The following RNASEL variants were observed in gnomAD, a reference collection of about 807,000 sequenced individuals.
RNASEL encodes ribonuclease L, also known as 2-5A-dependent ribonuclease.
Under a neutral mutation model 50.9 loss-of-function variants are expected in RNASEL, and 36 were observed. The observed-to-expected ratio is 0.71, with a 90% CI of 0.54 to 0.93. The LOEUF is 0.93. Among genes scored for constraint, RNASEL ranks in the 40% least tolerant of loss-of-function variants. The probability of loss-of-function intolerance (pLI) is 0.00; values close to 1 mark genes in which losing one functional copy is unlikely to be tolerated. For missense variants in RNASEL, 860 were observed against 894.5 expected (o/e 0.96, Z 0.49); for synonymous variants, 335 against 335.6 (o/e 1.00, Z 0.02).
intron 1 of RNASEL, among the ~76,000 whole-genome samples, chr1:182,587,410 T>A (rs1264971946): frequency 6.6e-6 from 1 of 152,072 alleles, no homozygotes. Context: ...ATTAAAAATT[T>A]AAAAAATCTA....
rs151056294 is a variant in RNASEL at position 182,585,854 on chromosome 1, T to G, written c.953A>C (p.Lys318Thr). The G allele has an allele frequency of 6.2e-7, 1 of 1,613,102 alleles. No individual in the cohort carries two copies. Among genetic ancestry groups the G allele is most frequent in the Non-Finnish European group, 8.5e-7 (1 of 1,179,324 alleles). The change falls in exon 2 of 7, where the codon AAG (lysine) becomes ACG (threonine). Residue 318 changes from lysine (K) to threonine (T), a missense_variant. By Grantham distance (78) the Lys-to-Thr change is moderately conservative. Transcript: ENST00000367559. ...TTTGGCTCCATGAGAGAGAAGAACCTTCACAAGGGAATGGTCATAATTCCG... is the reference window on the plus strand; with the variant it reads ...TTTGGCTCCATGAGAGAGAAGAACCGTCACAAGGGAATGGTCATAATTCCG... The part of the protein sequence containing the change: ...ARRNYDHSLV[K>T]VLLSHGAKED...
intron 2 of RNASEL, 70 bp from the exon 3 acceptor site, chr1:182,584,236 A>G (rs1661551481): frequency 1.0e-6 from 1 of 980,562 alleles, no homozygotes; most frequent in Non-Finnish European, 1.7e-6. Flanking sequence ...ATTGATTTAT[A>G]TAAATATGTA....
At chr1:182,575,700 T>G in intron 6 of RNASEL, 122 bp from the exon 7 acceptor site, 1 of 1,308,018 alleles carries the variant, frequency 7.6e-7, no homozygotes, top group Non-Finnish European at 1.1e-6. Context: ...ATAAGGACTT[T>G]GGAATCTGAC....
rs950737344 is a variant in RNASEL, at chr1:182,585,964, A to G, written c.843T>C (p.Val281=). 3 of 1,614,052 alleles carry G rather than the reference A, an allele frequency of 1.9e-6. No individual in the cohort carries two copies. The highest frequency in any genetic ancestry group is 2.7e-5 in the African/African-American group (2 of 74,940). ...SDGKTALLLA[V]ELKLKKIAEL... is the part of the protein sequence containing the mutation. ...CGGCGATTTTCTTCAGTTTGAGTTC[A>G]ACAGCAAGCAGCAGTGCTGTTTTGC... is the stretch of plus-strand genomic sequence containing the variant. The change falls in exon 2 of 7, where the codon GTT becomes GTC. Residue 281 remains valine, a synonymous_variant. Coordinates refer to ENST00000367559, the MANE Select transcript of RNASEL (RefSeq NM_021133.4).
At chr1:182,581,936 AAATC>A in intron 4 of RNASEL, 113 bp downstream of exon 4, 1 of 878,492 alleles carries the variant, frequency 1.1e-6, no homozygotes, top group East Asian at 2.4e-5. Context: ...CACAGCCAGT[AAATC>A]CCAAGCTAAG....
intron 3 of RNASEL, among the ~76,000 whole-genome samples, chr1:182,582,816 A>G (rs1207087220): frequency 6.6e-6 from 1 of 152,154 alleles, no homozygotes; most frequent in African/African-American, 2.4e-5. Flanking sequence ...GGCCAGACAT[A>G]TGGGTGGAGA....
In RNASEL at chr1:182,586,584, C is replaced by T. The variant is rs2102372261; in HGVS notation, c.223G>A (p.Val75Met). The T allele has an allele frequency of 6.2e-7, 1 of 1,604,706 alleles. No homozygotes were observed. Among genetic ancestry groups the T allele is most frequent in the Non-Finnish European group, 8.5e-7 (1 of 1,173,384 alleles). The change falls in exon 2 of 7, where the codon GTG becomes ATG. Residue 75 changes from valine to methionine, a missense_variant. Physicochemically the swap from Val to Met is conservative, Grantham distance 21. Transcript: ENST00000367559. The stretch of plus-strand genomic sequence containing the variant: ...GCACCATGACGAAGCAGAAGTTCCA[C>T]AATGTCCTCCCTGCTCATTTGTACT... ...NAVQMSREDI[V>M]ELLLRHGADP...
intron 5 of RNASEL, among the ~76,000 whole-genome samples, chr1:182,580,626 T>C (rs769977751): frequency 6.6e-6 from 1 of 152,270 alleles, no homozygotes; most frequent in Non-Finnish European, 1.5e-5. Flanking sequence ...TAATTAATAA[T>C]GAAAGTTCTG....
rs1661583704 is a variant in RNASEL at position 182,585,844 on chromosome 1, GAGA to G, written c.960_962del (p.Leu321del). On this transcript the variant is annotated inframe_deletion, in exon 2 of 7. Transcript: ENST00000367559. Reference sequence around the variant, plus strand: ...GAAAATCTTCTTTGGCTCCATGAGAGAGAAGAACCTTCACAAGGGAATGGTCAT... The same window carrying G: ...GAAAATCTTCTTTGGCTCCATGAGAGAGAACCTTCACAAGGGAATGGTCAT... 5.0e-6 allele frequency: 8 copies of G among 1,613,416 alleles called. No homozygotes were observed. Among genetic ancestry groups the G allele is most frequent in the African/African-American group, 4.0e-5 (3 of 74,918 alleles).
Position 182,585,317 on chromosome 1 carries a change from G to A in RNASEL, c.1480+10C>T. The A allele has an allele frequency of 6.2e-7, 1 of 1,613,174 alleles. No homozygotes were observed. Among genetic ancestry groups the A allele is most frequent in the Non-Finnish European group, 8.5e-7 (1 of 1,179,470 alleles). Reference sequence around the variant, plus strand: ...AATTTCTAAGAGAGAATTGGGGATTGGGGACTCACCTATTAAGATGTTTTG... The same window carrying A: ...AATTTCTAAGAGAGAATTGGGGATTAGGGACTCACCTATTAAGATGTTTTG... On this transcript the variant is annotated intron_variant, in intron 2 of 6. Transcript: ENST00000367559.
chr1:182,585,216 T>C (rs1370078987), intron 2 of RNASEL, 111 bp downstream of exon 2: 4 of 1,039,674 alleles, frequency 3.8e-6, no homozygotes, highest in African/African-American at 3.2e-5. Flanking sequence ...GATCCACAAA[T>C]TGAATCATCC....
intron 5 of RNASEL, chr1:182,579,552 C>G: frequency 8.8e-7 from 1 of 1,134,350 alleles, no homozygotes. Flanking sequence ...AGAACCAATA[C>G]AGTCATACAA....
intron 1 of RNASEL, among the ~76,000 whole-genome samples, chr1:182,587,895 T>TCAGTAGAAACCACACTTCAA (rs543058665): frequency 1.5e-3 from 228 of 152,352 alleles, no homozygotes; most frequent in African/African-American, 5.1e-3. Flanking sequence ...CAATAAACAT[T>TCAGTAGAAACCACACTTCAA]CAGTAGAAAC....
intron 2 of RNASEL, among the ~76,000 whole-genome samples, chr1:182,584,744 A>T (rs1661559299): frequency 6.6e-6 from 1 of 152,196 alleles, no homozygotes; most frequent in Non-Finnish European, 1.5e-5. Context: ...ACTAGGCTTC[A>T]AGCCACCCTA....
At chr1:182,583,958 T>C in intron 3 of RNASEL, 123 bp downstream of exon 3, 1 of 775,084 alleles carries the variant, frequency 1.3e-6, no homozygotes. Context: ...CAATTCTCCT[T>C]AATAAACTCC....
At chr1:182,577,863 C>G (rs957591138) in intron 5 of RNASEL, among the ~76,000 whole-genome samples, 6 of 152,036 alleles carry the variant, frequency 3.9e-5, no homozygotes, top group African/African-American at 1.4e-4. Context: ...TAGACAAAGT[C>G]GGCAAAAACA....
At chr1:182,581,837 G>A (rs1229881326) in intron 4 of RNASEL, among the ~76,000 whole-genome samples, 2 of 152,062 alleles carry the variant, frequency 1.3e-5, no homozygotes, top group East Asian at 3.9e-4. Flanking sequence ...CTGCATGATA[G>A]GAGAGGCAAG....
chr1:182,574,819 T>C lies in RNASEL; in HGVS notation c.*573A>G, dbSNP rs924047759. ...TTCATGCATCCAGTGCCCAGACTTA[T>C]ACTAGATGCTCAATAAATACTGAAT... On this transcript the variant is annotated 3_prime_UTR_variant, in exon 7 of 7. Coordinates refer to ENST00000367559, the MANE Select transcript of RNASEL (RefSeq NM_021133.4). The C allele has an allele frequency of 2.6e-5, 6 of 234,124 alleles. No individual in the cohort carries two copies. The highest frequency in any genetic ancestry group is 4.2e-5 in the Non-Finnish European group (5 of 119,396). 14.5% of individuals were successfully genotyped at this position (234,124 alleles called of 1,614,324 possible).
chr1:182,581,469 CTTTCTTTTTTTT>C, intron 4 of RNASEL, 112 bp from the exon 5 acceptor site: 1 of 319,232 alleles, frequency 3.1e-6, no homozygotes. Flanking sequence ...CTTGGTTTTT[CTTTCTTTTTTTT>C]TTTTTTTTTT....
Sources: gnomAD v4.1 joint callset for allele counts (sites outside exome capture counted in the v4.1 genomes callset) on GRCh38, gnomAD v4.1.1 for gene constraint, MANE v1.5 for transcripts, NCBI Gene and HGNC (gene_info 2026-07-23, HGNC 2026-07-21) for gene names.